Variants in MACROD2 observed in about 807,000 individuals in gnomAD.
MACROD2 encodes the protein mono-ADP ribosylhydrolase 2, also known as ADP-ribose glycohydrolase MACROD2.
A neutral mutation model predicts 70.4 loss-of-function variants in MACROD2; 36 were observed. The observed-to-expected ratio is 0.51, with a 90% CI of 0.39 to 0.68. The LOEUF (loss-of-function observed/expected upper bound fraction) is 0.68. Ranked by LOEUF, MACROD2 falls within the 30% of genes least tolerant of loss-of-function variation. The pLI is 0.00. For missense variants in MACROD2, 496 were observed against 538.4 expected (o/e 0.92, Z 0.78); for synonymous variants, 172 against 178.8 (o/e 0.96, Z 0.30).
At chr20:14,152,100 C>T (rs1005786352) in intron 3 of MACROD2, among the ~76,000 whole-genome samples, 3 of 152,072 alleles carry the variant, frequency 2.0e-5, no homozygotes, top group East Asian at 1.9e-4. Context: ...GGATTACAGG[C>T]GTGAGCCACC....
chr20:15,221,806 A>G (rs1406586540), intron 5 of MACROD2, among the ~76,000 whole-genome samples: 1 of 152,222 alleles, frequency 6.6e-6, no homozygotes, highest in African/African-American at 2.4e-5. Context: ...TCAGCACATG[A>G]TGCCCCAAAC....
intron 5 of MACROD2, among the ~76,000 whole-genome samples, chr20:14,972,354 A>G (rs973784694): frequency 2.0e-5 from 3 of 152,040 alleles, no homozygotes; most frequent in African/African-American, 7.2e-5. Flanking sequence ...AATACAATCG[A>G]TTATACCCTC....
intron 13 of MACROD2, among the ~76,000 whole-genome samples, chr20:15,973,797 A>C (rs562547708): frequency 6.6e-6 from 1 of 152,336 alleles, no homozygotes; most frequent in African/African-American, 2.4e-5. Flanking sequence ...TATTTGAACC[A>C]ATCTATTCGG....
intron 5 of MACROD2, among the ~76,000 whole-genome samples, chr20:15,110,188 G>A (rs1171318041): frequency 6.6e-6 from 1 of 152,108 alleles, no homozygotes; most frequent in East Asian, 1.9e-4. Context: ...ATGCTCCTGT[G>A]CAGTGGTGCC....
At chr20:15,867,106 T>C (rs2064504474) in intron 9 of MACROD2, among the ~76,000 whole-genome samples, 1 of 152,182 alleles carries the variant, frequency 6.6e-6, no homozygotes, top group Non-Finnish European at 1.5e-5. Context: ...CCCTGTACTT[T>C]CAAATGACCT....
intron 5 of MACROD2, among the ~76,000 whole-genome samples, chr20:14,751,017 A>G (rs1310577322): frequency 6.6e-6 from 1 of 152,050 alleles, no homozygotes; most frequent in Non-Finnish European, 1.5e-5. Context: ...GAATAATAAG[A>G]TCTTATATTA....
At chr20:14,830,289 C>T (rs781167425) in intron 5 of MACROD2, among the ~76,000 whole-genome samples, 49 of 151,996 alleles carry the variant, frequency 3.2e-4, no homozygotes, top group Non-Finnish European at 5.4e-4. Flanking sequence ...ATGTTGTGTG[C>T]TTTACTGCTG....
At chr20:15,702,054 C>G (rs2050468223) in intron 8 of MACROD2, among the ~76,000 whole-genome samples, 1 of 152,128 alleles carries the variant, frequency 6.6e-6, no homozygotes. Flanking sequence ...TTTCCTTTAT[C>G]CAGTCTACCA....
At chr20:15,910,490 C>T (rs1207394168) in intron 10 of MACROD2, among the ~76,000 whole-genome samples, 1 of 151,186 alleles carries the variant, frequency 6.6e-6, no homozygotes, top group Non-Finnish European at 1.5e-5. Context: ...GGACGTAGGA[C>T]CACTAGATTC....
chr20:15,678,505 G>A (rs542768388), intron 8 of MACROD2, among the ~76,000 whole-genome samples: 44 of 152,088 alleles, frequency 2.9e-4, no homozygotes, highest in Middle Eastern at 3.4e-3. Flanking sequence ...GACTACAGGC[G>A]CCCGCCACCA....
chr20:15,535,740 A>G (rs1401718685), intron 8 of MACROD2, among the ~76,000 whole-genome samples: 1 of 152,170 alleles, frequency 6.6e-6, no homozygotes, highest in Non-Finnish European at 1.5e-5. Flanking sequence ...CTGGGTTTCC[A>G]TCTTCCTGTA....
chr20:14,427,983 TATC>T lies in MACROD2; in HGVS notation c.272-65493_272-65491del, dbSNP rs918197930. On this transcript the variant is annotated intron_variant, in intron 3 of 17. Coordinates refer to ENST00000684519, the MANE Select transcript of MACROD2 (RefSeq NM_001351661.2). ...AATTCTGTTTTCTTATTTGTAACCT[TATC>T]ATAATTTCTACCATAGTAATGAGCA... is the stretch of plus-strand genomic sequence containing the variant. Among the ~76,000 whole-genome samples, 15 of 152,316 alleles carry T rather than the reference TATC, an allele frequency of 9.8e-5. No homozygotes were observed. The South Asian group carries it at 1.0e-3, about 11-fold the overall frequency.
At chr20:15,726,074 CTT>C (rs2050858437) in intron 8 of MACROD2, among the ~76,000 whole-genome samples, 1 of 152,072 alleles carries the variant, frequency 6.6e-6, no homozygotes, top group Non-Finnish European at 1.5e-5. Context: ...GAATCGCTCT[CTT>C]CTCTCACTCT....
At chr20:14,266,917 C>T (rs2082149399) in intron 3 of MACROD2, among the ~76,000 whole-genome samples, 1 of 152,142 alleles carries the variant, frequency 6.6e-6, no homozygotes, top group South Asian at 2.1e-4. Context: ...ATATTGTAAT[C>T]AGTATTTTTT....
At chr20:15,875,995 G>A (rs1424450571) in intron 9 of MACROD2, among the ~76,000 whole-genome samples, 3 of 150,722 alleles carry the variant, frequency 2.0e-5, no homozygotes, top group Non-Finnish European at 4.4e-5. Flanking sequence ...AGAAGTAAGA[G>A]TAAAGACAAA....
chr20:15,570,490 A>G (rs762218652), intron 8 of MACROD2, among the ~76,000 whole-genome samples: 1 of 152,186 alleles, frequency 6.6e-6, no homozygotes, highest in Non-Finnish European at 1.5e-5. Flanking sequence ...CTGAGAACCC[A>G]ATTCAAACCA....
chr20:15,524,049 T>C (rs2047687287), intron 8 of MACROD2, among the ~76,000 whole-genome samples: 1 of 152,196 alleles, frequency 6.6e-6, no homozygotes, highest in South Asian at 2.1e-4. Flanking sequence ...CTCATCCTGA[T>C]GCAGTAACTT....
intron 3 of MACROD2, among the ~76,000 whole-genome samples, chr20:14,096,979 C>T (rs8122275): frequency 0.027 from 4,126 of 152,202 alleles, 56 homozygotes; most frequent in Non-Finnish European, 0.033. Flanking sequence ...AGTAAATTTC[C>T]GATGGCCACA....
intron 7 of MACROD2, among the ~76,000 whole-genome samples, chr20:15,451,205 G>A (rs1001788118): frequency 4.6e-5 from 7 of 151,960 alleles, no homozygotes; most frequent in East Asian, 3.9e-4. Flanking sequence ...CATCTCAGTG[G>A]GAGTCAGAGG....
Sources: allele counts gnomAD v4.1 joint callset (sites outside exome capture counted in the v4.1 genomes callset), GRCh38; gene constraint gnomAD v4.1.1; transcripts MANE v1.5; gene names NCBI Gene and HGNC (gene_info 2026-07-23, HGNC 2026-07-21).